SCD5: variants seen among roughly 807,000 people sequenced by gnomAD.
The protein encoded by SCD5 is stearoyl-CoA desaturase 5, also known as acyl-CoA-desaturase 4.
A neutral mutation model predicts 30.4 loss-of-function variants in SCD5; 20 were observed. The observed-to-expected ratio is 0.66, with a 90% CI of 0.46 to 0.96. The LOEUF (loss-of-function observed/expected upper bound fraction) is 0.96. Ranked by LOEUF, SCD5 falls within the 40% of genes least tolerant of loss-of-function variation. The pLI is 0.00. For synonymous variants in SCD5, 173 were observed against 176.4 expected (o/e 0.98, Z 0.16); for missense variants, 381 against 443.3 (o/e 0.86, Z 1.26).
chr4:82,763,027 C>T (rs1400381564), intron 1 of SCD5, among the ~76,000 whole-genome samples: 2 of 152,164 alleles, frequency 1.3e-5, no homozygotes, highest in Non-Finnish European at 2.9e-5. Context: ...CAGAGAGGCA[C>T]AGCCTGCTGC....
In SCD5 at chr4:82,699,926, C is replaced by T. The variant is rs571305425; in HGVS notation, c.363+5357G>A. 2.0e-5 allele frequency among the ~76,000 whole-genome samples: 3 copies of T among 151,964 alleles called. No individual in the cohort carries two copies. The South Asian group carries it at 6.2e-4, about 32-fold the overall frequency. On this transcript the variant is annotated intron_variant, in intron 2 of 4. Coordinates refer to ENST00000319540, the MANE Select transcript of SCD5 (RefSeq NM_001037582.3). ...CCGCCTGCCTCGGCCTCCCAAAGTG[C>T]TGGGATTATAGGCATGGGCCACCAC...
At chr4:82,781,480 G>A (rs1421938215) in intron 1 of SCD5, among the ~76,000 whole-genome samples, 10 of 152,076 alleles carry the variant, frequency 6.6e-5, no homozygotes, top group African/African-American at 2.2e-4. Flanking sequence ...GAGAAGGGAG[G>A]GGAAAGATTC....
chr4:82,631,233 C>A lies in SCD5; in HGVS notation c.*94G>T. ...TGACTCGTTCCTTCCCCACCCTCTGCCCCCTCCCACGATCCAATGTACAAG... is the reference window on the plus strand; with the variant it reads ...TGACTCGTTCCTTCCCCACCCTCTGACCCCTCCCACGATCCAATGTACAAG... On this transcript the variant is annotated 3_prime_UTR_variant, in exon 5 of 5. Coordinates refer to ENST00000319540, the MANE Select transcript of SCD5 (RefSeq NM_001037582.3). 7 of 1,058,602 alleles carry A rather than the reference C, an allele frequency of 6.6e-6. No homozygotes were observed. Among genetic ancestry groups the A allele is most frequent in the Non-Finnish European group, 9.3e-6 (7 of 750,686 alleles). The allele number at this position is 1,058,602 out of a possible 1,614,324, so 65.6% of individuals were successfully genotyped here. A position where few individuals can be genotyped will look rare whatever the true frequency, so the allele number is the denominator to read the frequency against.
chr4:82,742,612 C>T (rs1235351622), intron 1 of SCD5, among the ~76,000 whole-genome samples: 1 of 152,106 alleles, frequency 6.6e-6, no homozygotes, highest in East Asian at 1.9e-4. Flanking sequence ...CATGGCAAAA[C>T]TCCGTTTCTA....
intron 2 of SCD5, among the ~76,000 whole-genome samples, chr4:82,682,000 T>C (rs1203226758): frequency 6.6e-6 from 1 of 152,192 alleles, no homozygotes; most frequent in Non-Finnish European, 1.5e-5. Context: ...AAGGCACCAG[T>C]GGCATCATTT....
intron 4 of SCD5, among the ~76,000 whole-genome samples, chr4:82,632,498 C>G (rs963364367): frequency 2.0e-5 from 3 of 152,020 alleles, no homozygotes; most frequent in Non-Finnish European, 4.4e-5. Context: ...AATAAACATA[C>G]GTGTGCATGT....
At chr4:82,690,136 T>C (rs1234551481) in intron 2 of SCD5, among the ~76,000 whole-genome samples, 1 of 152,228 alleles carries the variant, frequency 6.6e-6, no homozygotes, top group Non-Finnish European at 1.5e-5. Flanking sequence ...TCCCTGACTT[T>C]GGTAAGTGTA....
intron 2 of SCD5, among the ~76,000 whole-genome samples, chr4:82,682,737 C>T (rs574177527): frequency 1.3e-5 from 2 of 152,230 alleles, no homozygotes; most frequent in African/African-American, 2.4e-5. Flanking sequence ...TAGCCTTGAC[C>T]GTCTGGGCTC....
At chr4:82,772,392 A>G (rs2148848920) in intron 1 of SCD5, among the ~76,000 whole-genome samples, 1 of 152,346 alleles carries the variant, frequency 6.6e-6, no homozygotes, top group East Asian at 1.9e-4. Flanking sequence ...AGGTCTGGCC[A>G]ATTATAGCAC....
chr4:82,695,157 C>G (rs934703093), intron 2 of SCD5, among the ~76,000 whole-genome samples: 1 of 151,980 alleles, frequency 6.6e-6, no homozygotes, highest in Non-Finnish European at 1.5e-5. Context: ...GGGGTGGACA[C>G]AGAGGACTGG....
At chr4:82,660,042 C>T (rs1316375773) in intron 3 of SCD5, 1 of 148,682 alleles carries the variant, frequency 6.7e-6, no homozygotes, top group Non-Finnish European at 1.5e-5. Context: ...ATAAAACAGA[C>T]TTTAAACCAA....
At position 82,702,130 on chromosome 4, in the gene SCD5, C is replaced by CTTTTTTTTTTTTTTTTT. The variant is rs10701664; in HGVS notation, c.363+3136_363+3152dup. ...TCAGGCATTCCTGCCCCATCATCAT[C>CTTTTTTTTTTTTTTTTT]TTTTTTTTTTTTTTTTTTTTTTTTT... On this transcript the variant is annotated intron_variant, in intron 2 of 4. Transcript: ENST00000319540. Among the ~76,000 whole-genome samples the CTTTTTTTTTTTTTTTTT allele has an allele frequency of 4.7e-4, 30 of 64,116 alleles. 4 individuals are homozygous for CTTTTTTTTTTTTTTTTT. Among genetic ancestry groups the CTTTTTTTTTTTTTTTTT allele is most frequent in the East Asian group, 3.5e-3 (4 of 1,146 alleles). 42.1% of individuals were successfully genotyped at this position (64,116 alleles called of 152,430 possible). A position where few individuals can be genotyped will look rare whatever the true frequency, so the allele number is the denominator to read the frequency against.
At chr4:82,716,821 AAAAG>A (rs971184303) in intron 1 of SCD5, among the ~76,000 whole-genome samples, 3 of 151,814 alleles carry the variant, frequency 2.0e-5, no homozygotes, top group Non-Finnish European at 2.9e-5. Context: ...CTCAATAAAC[AAAAG>A]AAAGAAAGAA....
chr4:82,672,788 A>C lies in SCD5; in HGVS notation c.569+7919T>G, dbSNP rs77232393. Reference sequence around the variant, plus strand: ...ATTTTTCATGAGCCAGATGCTAAAAATCTTCAACAAAATGTTAGTAAATTA... The same window carrying C: ...ATTTTTCATGAGCCAGATGCTAAAACTCTTCAACAAAATGTTAGTAAATTA... On this transcript the variant is annotated intron_variant, in intron 3 of 4. Transcript: ENST00000319540. Among the ~76,000 whole-genome samples the C allele has an allele frequency of 4.0e-3, 611 of 152,282 alleles. 7 individuals carry two copies. Among genetic ancestry groups the C allele is most frequent in the African/African-American group, 0.014 (583 of 41,574 alleles).
intron 1 of SCD5, among the ~76,000 whole-genome samples, chr4:82,717,294 C>G (rs998183911): frequency 6.6e-6 from 1 of 151,716 alleles, no homozygotes; most frequent in African/African-American, 2.4e-5. Flanking sequence ...TGAACCGGGT[C>G]CTCAGACTGC....
In SCD5 at chr4:82,753,076, A is replaced by G. The variant is rs542338766; in HGVS notation, c.232+45230T>C. 8.5e-5 allele frequency among the ~76,000 whole-genome samples: 13 copies of G among 152,198 alleles called. No homozygotes were observed. In the South Asian group the frequency reaches 2.7e-3, roughly 32 times the overall value. On this transcript the variant is annotated intron_variant, in intron 1 of 4. Transcript: ENST00000319540. ...ATCAGTTTGCCCAGGAGCACATGGG[A>G]AGAGAAGAATCCCCAGCCCCACTGA... is the stretch of plus-strand genomic sequence containing the variant.
intron 1 of SCD5, among the ~76,000 whole-genome samples, chr4:82,779,561 G>A (rs1371973659): frequency 1.3e-5 from 2 of 152,236 alleles, no homozygotes; most frequent in African/African-American, 4.8e-5. Context: ...CACACATGGA[G>A]TGCCCAAATC....
At chr4:82,754,980 CAGAA>C (rs1287055703) in intron 1 of SCD5, among the ~76,000 whole-genome samples, 1 of 152,120 alleles carries the variant, frequency 6.6e-6, no homozygotes, top group Non-Finnish European at 1.5e-5. Context: ...GCCGCTAAAA[CAGAA>C]GGTGCCAAAG....
In SCD5 at chr4:82,681,042, A is replaced by G. The variant is rs573622655; in HGVS notation, c.364-130T>C. 5 of 707,148 alleles carry G rather than the reference A, an allele frequency of 7.1e-6. No homozygotes were observed. In the East Asian group the frequency reaches 1.1e-4, roughly 15 times the overall value. 43.8% of individuals were successfully genotyped at this position (707,148 alleles called of 1,614,324 possible). The stretch of plus-strand genomic sequence containing the variant: ...TTCACTTTCCTCCTGTCTTCAACCC[A>G]CAGTCCCTCAACCTCAAGTTCAATC... On this transcript the variant is annotated intron_variant, in intron 2 of 4. Coordinates refer to ENST00000319540, the MANE Select transcript of SCD5 (RefSeq NM_001037582.3).
Sources: allele counts gnomAD v4.1 joint callset (sites outside exome capture counted in the v4.1 genomes callset), GRCh38; gene constraint gnomAD v4.1.1; transcripts MANE v1.5; gene names NCBI Gene and HGNC (gene_info 2026-07-23, HGNC 2026-07-21).